MGAT5B: variants seen among roughly 807,000 people sequenced by gnomAD.
MGAT5B encodes N-acetylglucosaminyl-transferase Vb.
Under a neutral mutation model 95.1 loss-of-function variants are expected in MGAT5B, and 54 were observed. The observed-to-expected ratio is 0.57, with a 90% CI of 0.46 to 0.71. The LOEUF (loss-of-function observed/expected upper bound fraction) is 0.71. MGAT5B is among the 30% of genes least tolerant of loss of function. The probability of loss-of-function intolerance (pLI) is 0.00; values close to 1 mark genes in which losing one functional copy is unlikely to be tolerated. For synonymous variants in MGAT5B, 464 were observed against 451.0 expected (o/e 1.03, Z -0.36); for missense variants, 935 against 1,088.6 (o/e 0.86, Z 1.99).
rs1173935670 is a variant in MGAT5B at position 76,906,800 on chromosome 17, C to T, written c.1025+613C>T. Among the ~76,000 whole-genome samples, 1 of 151,954 alleles carries T rather than the reference C, an allele frequency of 6.6e-6. No homozygotes were observed. Among genetic ancestry groups the T allele is most frequent in the African/African-American group, 2.4e-5 (1 of 41,366 alleles). ...GTGTGTGATTGGGTTTATTTTTAAT[C>T]ACTGTTTCTGTGGGATGTAGGAATA... On this transcript the variant is annotated intron_variant, in intron 8 of 17. Coordinates refer to ENST00000569840, the MANE Select transcript of MGAT5B (RefSeq NM_001199172.2). This position sits in a 1 kb window ranked among gnomAD's most constrained non-coding sequence, Gnocchi z 4.6.
At position 76,870,063 on chromosome 17, in the gene MGAT5B, G is replaced by A. The variant is rs948981521; in HGVS notation, c.68+966G>A. ...CCGGCGCGGGGGCCGGACTCGGGAC[G>A]TGGCCACAGGTGGGCTCCGGGCGCG... On this transcript the variant is annotated intron_variant, in intron 1 of 17. Coordinates refer to ENST00000569840, the MANE Select transcript of MGAT5B (RefSeq NM_001199172.2). The surrounding 1 kb of genome is among the most constrained non-coding windows in gnomAD (Gnocchi z 5.0). Among the ~76,000 whole-genome samples the A allele has an allele frequency of 6.6e-6, 1 of 152,210 alleles. No individual in the cohort carries two copies. The highest frequency in any genetic ancestry group is 1.5e-5 in the Non-Finnish European group (1 of 68,016).
intron 4 of MGAT5B, 69 bp from the exon 5 acceptor site, chr17:76,903,234 G>T: frequency 8.0e-7 from 1 of 1,247,916 alleles, no homozygotes; most frequent in East Asian, 2.5e-5. Flanking sequence ...GCTGCCTCCC[G>T]CACGCAGGCC....
At chr17:76,911,740 C>T (rs1968744495) in intron 8 of MGAT5B, among the ~76,000 whole-genome samples, 3 of 152,214 alleles carry the variant, frequency 2.0e-5, no homozygotes, top group Admixed American at 2.0e-4. Flanking sequence ...GCAGGCCTTT[C>T]CTCACAGTGG....
At position 76,905,381 on chromosome 17, in the gene MGAT5B, G is replaced by A; in HGVS notation, c.855+48G>A. 1 of 1,496,994 alleles carries A rather than the reference G, an allele frequency of 6.7e-7. No homozygotes were observed. The highest frequency in any genetic ancestry group is 9.0e-7 in the Non-Finnish European group (1 of 1,115,488). The allele number at this position is 1,496,994 out of a possible 1,614,324, so 92.7% of individuals were successfully genotyped here. On this transcript the variant is annotated intron_variant, in intron 7 of 17. Coordinates refer to ENST00000569840, the MANE Select transcript of MGAT5B (RefSeq NM_001199172.2). The surrounding 1 kb of genome is among the most constrained non-coding windows in gnomAD (Gnocchi z 4.2). ...TGTGCAGGAGCTGAGAAAGCTCAGG[G>A]CCCCCACTTCTGAGTGGGCATGGAA...
chr17:76,882,140 TC>T lies in MGAT5B; in HGVS notation c.182-10del, dbSNP rs757419179. The T allele has an allele frequency of 6.9e-6, 11 of 1,604,232 alleles. No homozygotes were observed. The highest frequency in any genetic ancestry group is 8.5e-6 in the Non-Finnish European group (10 of 1,173,908). ...GGGCCTCCCCTAACCATACCCACAC[TC>T]TGCCCACAGTGATGGGGGGCCCCGA... On this transcript the variant is annotated splice_polypyrimidine_tract_variant and intron_variant, in intron 2 of 17. Transcript: ENST00000569840.
At position 76,889,389 on chromosome 17, in the gene MGAT5B, A is replaced by G. The variant is rs1967786343; in HGVS notation, c.329+7091A>G. Among the ~76,000 whole-genome samples the G allele has an allele frequency of 6.6e-6, 1 of 152,058 alleles. No homozygotes were observed. The highest frequency in any genetic ancestry group is 2.4e-5 in the African/African-American group (1 of 41,378). On this transcript the variant is annotated intron_variant, in intron 3 of 17. Coordinates refer to ENST00000569840, the MANE Select transcript of MGAT5B (RefSeq NM_001199172.2). The surrounding 1 kb of genome is among the most constrained non-coding windows in gnomAD (Gnocchi z 4.4). ...GGCAGGGAGGGAAGAGCTCTCAGGG[A>G]ACACACCTGATAACCTGGGAAGTCA...
At position 76,905,650 on chromosome 17, in the gene MGAT5B, C is replaced by G. The variant is rs1296731501; in HGVS notation, c.855+317C>G. ...TGGGGAGCTTCGTTAGCTCATGCCT[C>G]CATTCTTCCTTCCCTCCTTCCTTCC... On this transcript the variant is annotated intron_variant, in intron 7 of 17. Transcript: ENST00000569840. The surrounding 1 kb of genome is among the most constrained non-coding windows in gnomAD (Gnocchi z 4.2). Among the ~76,000 whole-genome samples, 1 of 152,154 alleles carries G rather than the reference C, an allele frequency of 6.6e-6. No individual in the cohort carries two copies. Among genetic ancestry groups the G allele is most frequent in the Non-Finnish European group, 1.5e-5 (1 of 68,028 alleles).
intron 8 of MGAT5B, among the ~76,000 whole-genome samples, chr17:76,919,861 T>C (rs773856649): frequency 6.6e-6 from 1 of 152,238 alleles, no homozygotes; most frequent in Non-Finnish European, 1.5e-5. Context: ...CATCTCCAGA[T>C]TTCTTCTTGC....
chr17:76,881,740 C>T (rs990019344), intron 2 of MGAT5B, among the ~76,000 whole-genome samples: 1 of 152,216 alleles, frequency 6.6e-6, no homozygotes, highest in African/African-American at 2.4e-5. Context: ...TGGAGCTTAC[C>T]GTTTGGGGGC....
intron 8 of MGAT5B, among the ~76,000 whole-genome samples, chr17:76,908,629 A>G (rs1019047759): frequency 3.9e-5 from 6 of 151,986 alleles, no homozygotes; most frequent in Non-Finnish European, 7.4e-5. Flanking sequence ...GTACATATTT[A>G]TGGGGATGGG....
In MGAT5B at chr17:76,879,550, C is replaced by T. The variant is rs555854615; in HGVS notation, c.182-2601C>T. Among the ~76,000 whole-genome samples, 424 of 151,958 alleles carry T rather than the reference C, an allele frequency of 2.8e-3. 2 individuals are homozygous for T. The highest frequency in any genetic ancestry group is 9.9e-3 in the African/African-American group (409 of 41,442). On this transcript the variant is annotated intron_variant, in intron 2 of 17. Transcript: ENST00000569840. ...GGGCTGCCCAGTGAGGCCACGCAGG[C>T]TGTGCGCTGCACGACTCCACGACAG... is the stretch of plus-strand genomic sequence containing the variant.
chr17:76,892,600 G>A (rs556821027), intron 3 of MGAT5B, among the ~76,000 whole-genome samples: 1 of 152,254 alleles, frequency 6.6e-6, no homozygotes, highest in Non-Finnish European at 1.5e-5. Flanking sequence ...GATCCTCACA[G>A]TGACAGCTTA....
At chr17:76,903,748 G>A (rs967717648) in intron 5 of MGAT5B, among the ~76,000 whole-genome samples, 5 of 152,198 alleles carry the variant, frequency 3.3e-5, no homozygotes, top group Admixed American at 6.5e-5. Context: ...TGTAGGAGTC[G>A]TCCACAGCCG....
At chr17:76,893,570 C>G (rs1967959457) in intron 3 of MGAT5B, among the ~76,000 whole-genome samples, 1 of 152,242 alleles carries the variant, frequency 6.6e-6, no homozygotes, top group Admixed American at 6.5e-5. Flanking sequence ...TCTGCACCAG[C>G]TGGAGAAAGA....
In MGAT5B at chr17:76,947,817, C is replaced by T. The variant is rs757484258; in HGVS notation, c.1924-13C>T. 1.3e-6 allele frequency: 2 copies of T among 1,535,110 alleles called. No individual in the cohort carries two copies. The highest frequency in any genetic ancestry group is 1.2e-5 in the South Asian group (1 of 80,036). On this transcript the variant is annotated splice_polypyrimidine_tract_variant and intron_variant, in intron 16 of 17. Transcript: ENST00000569840. ...CGCACTTCCCCACCCTGACACTGCT[C>T]TCCTCCTTGCAGGACTTCTGCAGAG...
intron 2 of MGAT5B, among the ~76,000 whole-genome samples, chr17:76,877,899 G>A (rs553705977): frequency 2.0e-5 from 3 of 151,666 alleles, no homozygotes; most frequent in Admixed American, 1.3e-4. Context: ...ACGGGGCCTC[G>A]GTGGGTAATA....
chr17:76,934,073 T>G lies in MGAT5B; in HGVS notation c.1428+776T>G, dbSNP rs1969581506. Among the ~76,000 whole-genome samples, 5 of 152,280 alleles carry G rather than the reference T, an allele frequency of 3.3e-5. No homozygotes were observed. In the South Asian group the frequency reaches 1.0e-3, roughly 32 times the overall value. On this transcript the variant is annotated intron_variant, in intron 12 of 17. Transcript: ENST00000569840. The stretch of plus-strand genomic sequence containing the variant: ...ATTATTTCCAGGCAGCTCAGCTCAA[T>G]GTGCCCAGCCCTGTTCTGGGTTCTA...
At chr17:76,871,293 A>G (rs987576447) in intron 1 of MGAT5B, among the ~76,000 whole-genome samples, 2 of 152,136 alleles carry the variant, frequency 1.3e-5, no homozygotes, top group African/African-American at 4.8e-5. Context: ...GAGGGACCCC[A>G]AGATCTGAGC....
At chr17:76,883,017 T>A (rs1967494246) in intron 3 of MGAT5B, among the ~76,000 whole-genome samples, 1 of 150,086 alleles carries the variant, frequency 6.7e-6, no homozygotes, top group African/African-American at 2.5e-5. Flanking sequence ...AAAAAAAAAT[T>A]TTTTTTTGAG....
Sources: gnomAD v4.1 joint callset for allele counts (sites outside exome capture counted in the v4.1 genomes callset) on GRCh38, gnomAD v4.1.1 for gene constraint, Gnocchi (gnomAD v3.1) non-coding constraint, MANE v1.5 for transcripts, NCBI Gene and HGNC (gene_info 2026-07-23, HGNC 2026-07-21) for gene names.